Variants in CDKAL1 observed in about 807,000 individuals in gnomAD.
CDKAL1 encodes threonylcarbamoyladenosine tRNA methylthiotransferase.
Under a neutral mutation model 68.2 loss-of-function variants are expected in CDKAL1, and 32 were observed. The ratio of observed to expected loss-of-function variants is 0.47; its 90% CI spans 0.35 to 0.63. The LOEUF (loss-of-function observed/expected upper bound fraction) is 0.63. Ranked by LOEUF, CDKAL1 falls within the 30% of genes least tolerant of loss-of-function variation. The probability of loss-of-function intolerance (pLI) is 0.00; values close to 1 mark genes in which losing one functional copy is unlikely to be tolerated. For synonymous variants in CDKAL1, 234 were observed against 244.3 expected (o/e 0.96, Z 0.39); for missense variants, 606 against 696.7 (o/e 0.87, Z 1.47).
intron 11 of CDKAL1, among the ~76,000 whole-genome samples, chr6:21,027,377 A>G (rs944958965): frequency 1.4e-4 from 22 of 152,208 alleles, no homozygotes; most frequent in Non-Finnish European, 2.8e-4. Context: ...ATGCAGTTAT[A>G]TACTGGCCAT....
chr6:21,111,409 G>T (rs1028704442), intron 13 of CDKAL1, among the ~76,000 whole-genome samples: 2 of 152,220 alleles, frequency 1.3e-5, no homozygotes, highest in South Asian at 2.1e-4. Flanking sequence ...TGTTAAAACA[G>T]TTGTAATTAC....
intron 8 of CDKAL1, among the ~76,000 whole-genome samples, chr6:20,842,458 T>C (rs891073380): frequency 3.3e-4 from 51 of 152,344 alleles, no homozygotes; most frequent in African/African-American, 1.2e-3. Context: ...TTTTACTTTC[T>C]TAAGATAATA....
chr6:20,974,788 G>A (rs748255408), intron 10 of CDKAL1, among the ~76,000 whole-genome samples: 1 of 146,358 alleles, frequency 6.8e-6, no homozygotes, highest in Non-Finnish European at 1.5e-5. Context: ...AAACCAGACT[G>A]GGCAACATAG....
At chr6:20,870,014 A>T (rs147196912) in intron 9 of CDKAL1, among the ~76,000 whole-genome samples, 11 of 152,344 alleles carry the variant, frequency 7.2e-5, no homozygotes, top group African/African-American at 2.6e-4. Context: ...ACACCTTTCT[A>T]TAAATAATAG....
intron 8 of CDKAL1, among the ~76,000 whole-genome samples, chr6:20,827,515 G>C (rs1367141775): frequency 6.6e-6 from 1 of 152,004 alleles, no homozygotes; most frequent in Non-Finnish European, 1.5e-5. Context: ...AAAATTTCTA[G>C]TAAAGCTAGT....
chr6:20,738,498 T>A (rs976289372), intron 5 of CDKAL1, among the ~76,000 whole-genome samples: 1 of 149,760 alleles, frequency 6.7e-6, no homozygotes, highest in Non-Finnish European at 1.5e-5. Context: ...TTTTTTTTTT[T>A]TTTTTTTTGA....
chr6:20,665,823 C>T (rs141767921), intron 5 of CDKAL1, among the ~76,000 whole-genome samples: 3 of 151,788 alleles, frequency 2.0e-5, no homozygotes, highest in Non-Finnish European at 2.9e-5. Context: ...ATATTTTTTA[C>T]GTATATGCAT....
chr6:20,587,012 GTTTTGCTCT>G (rs1765394312), intron 4 of CDKAL1, among the ~76,000 whole-genome samples: 2 of 122,278 alleles, frequency 1.6e-5, no homozygotes. Context: ...TTGAGACGGA[GTTTTGCTCT>G]TTTTGCCCAG....
At chr6:21,229,364 C>G (rs1291989040) in intron 15 of CDKAL1, among the ~76,000 whole-genome samples, 1 of 152,134 alleles carries the variant, frequency 6.6e-6, no homozygotes, top group Non-Finnish European at 1.5e-5. Flanking sequence ...TCCTCATTAT[C>G]TCCCATTTCA....
At chr6:21,096,275 G>C (rs185916496) in intron 12 of CDKAL1, among the ~76,000 whole-genome samples, 2 of 152,332 alleles carry the variant, frequency 1.3e-5, no homozygotes, top group East Asian at 3.9e-4. Flanking sequence ...CTGTGGGTCA[G>C]AGAAATTTCG....
chr6:20,698,382 A>G (rs1463717654), intron 5 of CDKAL1, among the ~76,000 whole-genome samples: 1 of 152,236 alleles, frequency 6.6e-6, no homozygotes, highest in East Asian at 1.9e-4. Context: ...ACATTGGTAC[A>G]TTCCCGTTAA....
chr6:21,106,978 T>G (rs1190448235), intron 12 of CDKAL1, among the ~76,000 whole-genome samples: 6 of 151,046 alleles, frequency 4.0e-5, no homozygotes, highest in Non-Finnish European at 7.4e-5. Flanking sequence ...GTCTCGCTTT[T>G]TCGCCCAGGC....
At chr6:20,659,623 T>G (rs896166879) in intron 5 of CDKAL1, among the ~76,000 whole-genome samples, 14 of 152,306 alleles carry the variant, frequency 9.2e-5, no homozygotes, top group African/African-American at 3.1e-4. Flanking sequence ...TATGCTGATT[T>G]CTCCCAAATC....
At chr6:20,921,737 G>A (rs547150000) in intron 9 of CDKAL1, among the ~76,000 whole-genome samples, 1 of 152,262 alleles carries the variant, frequency 6.6e-6, no homozygotes, top group East Asian at 1.9e-4. Flanking sequence ...TTGCCTATTG[G>A]TGATGTAATT....
At chr6:20,881,933 A>G (rs551135369) in intron 9 of CDKAL1, among the ~76,000 whole-genome samples, 2 of 152,252 alleles carry the variant, frequency 1.3e-5, no homozygotes, top group African/African-American at 4.8e-5. Flanking sequence ...TTTCTAGTCA[A>G]ACTCTCTTAT....
intron 4 of CDKAL1, among the ~76,000 whole-genome samples, chr6:20,615,860 C>G (rs1448661444): frequency 7.7e-6 from 1 of 129,874 alleles, no homozygotes; most frequent in Non-Finnish European, 1.7e-5. Flanking sequence ...TTGCCCATGC[C>G]TATGTCCTGA....
intron 13 of CDKAL1, among the ~76,000 whole-genome samples, chr6:21,113,207 G>A (rs182062861): frequency 8.5e-5 from 13 of 152,196 alleles, no homozygotes; most frequent in South Asian, 2.1e-4. Context: ...GTTTACATTC[G>A]GAAACAGATA....
chr6:21,221,594 A>C (rs1274889964), intron 15 of CDKAL1, among the ~76,000 whole-genome samples: 1 of 152,096 alleles, frequency 6.6e-6, no homozygotes, highest in Non-Finnish European at 1.5e-5. Context: ...GTTTCCTTGC[A>C]TTGGTCACAT....
At chr6:21,203,356 C>T (rs1363248963) in intron 15 of CDKAL1, among the ~76,000 whole-genome samples, 1 of 150,586 alleles carries the variant, frequency 6.6e-6, no homozygotes, top group Non-Finnish European at 1.5e-5. Context: ...CATGCCTCAG[C>T]CTCCTGAGTA....
Sources: gnomAD v4.1 joint callset for allele counts (sites outside exome capture counted in the v4.1 genomes callset) on GRCh38, gnomAD v4.1.1 for gene constraint, MANE v1.5 for transcripts, NCBI Gene and HGNC (gene_info 2026-07-23, HGNC 2026-07-21) for gene names.